MTA3: variants seen among roughly 807,000 people sequenced by gnomAD.
MTA3 encodes metastasis associated 1 family member 3, also known as metastasis-associated protein MTA3.
A neutral mutation model predicts 83.5 loss-of-function variants in MTA3; 34 were observed. That is an observed-to-expected ratio of 0.41 (90% confidence interval 0.31 to 0.54). MTA3 has a LOEUF of 0.54. MTA3 is among the 20% of genes least tolerant of loss of function. The pLI, the probability that MTA3 is intolerant of heterozygous loss-of-function variation, is 0.33. For missense variants in MTA3, 761 were observed against 726.4 expected, an observed-to-expected ratio of 1.05 and a Z score of -0.55; for synonymous variants, 303 against 252.7, an observed-to-expected ratio of 1.20 and a Z score of -1.89.
chr2:42,621,737 C>T (rs184399278), intron 4 of MTA3, among the ~76,000 whole-genome samples: 2,971 of 150,076 alleles, frequency 0.02, 314 homozygotes, highest in Admixed American at 0.18. Flanking sequence ...ACTTCTCAGA[C>T]GGGGCGGCTG....
rs996271519 is a variant in MTA3, at chr2:42,512,130, T to G, written c.-141+16876T>G. Among the ~76,000 whole-genome samples the G allele has an allele frequency of 1.3e-4, 19 of 151,494 alleles. No homozygotes were observed. The East Asian group carries it at 3.7e-3, about 29-fold the overall frequency. ...GACTGGGAGGGTTTTTTTCTTTTTC[T>G]TTTTCCTTTTTTTTTTGTTTTTGTT... On this transcript the variant is annotated intron_variant, in intron 2 of 17. Coordinates refer to the MTA3 transcript ENST00000405592.
intron 15 of MTA3, among the ~76,000 whole-genome samples, chr2:42,722,522 C>G (rs1412740519): frequency 2.6e-5 from 4 of 152,178 alleles, no homozygotes; most frequent in South Asian, 4.1e-4. Context: ...TTTTACCCCC[C>G]TCACCCCAAG....
Position 42,753,725 on chromosome 2 carries a change from G to A in MTA3, c.*326G>A, listed in dbSNP as rs943640565. On this transcript the variant is annotated 3_prime_UTR_variant, in exon 17 of 17. Transcript: ENST00000405094. ...GCCCTGCGCCCCACCCAGCAACAGCGGCCACTTGGCAGTGGGGCTGCTGCA... is the reference window on the plus strand; with the variant it reads ...GCCCTGCGCCCCACCCAGCAACAGCAGCCACTTGGCAGTGGGGCTGCTGCA... The A allele has an allele frequency of 1.0e-5, 12 of 1,170,890 alleles. No homozygotes were observed. Among genetic ancestry groups the A allele is most frequent in the Admixed American group, 8.7e-5 (2 of 22,982 alleles). 72.5% of individuals were successfully genotyped at this position (1,170,890 alleles called of 1,614,324 possible). A position where few individuals can be genotyped will look rare whatever the true frequency, so the allele number is the denominator to read the frequency against.
In MTA3 at chr2:42,640,228, G is replaced by T. The variant is rs754149404; in HGVS notation, c.373G>T (p.Asp125Tyr). ...GACAGAATCAGTATTGTCATATCTT[G>T]ATAAGGAGGTAATTCACAATCATAG... is the stretch of plus-strand genomic sequence containing the variant. The part of the protein sequence containing the change: ...NETESVLSYL[D>Y]KEDTFFYSLV... Residue 125 changes from aspartate to tyrosine, a missense_variant, in exon 5 of 17, where the codon GAT becomes TAT. Coordinates refer to ENST00000405094, the MANE Select transcript of MTA3 (RefSeq NM_001330442.2). 2.2e-5 allele frequency: 35 copies of T among 1,603,372 alleles called. No individual in the cohort carries two copies. The highest frequency in any genetic ancestry group is 2.8e-5 in the Non-Finnish European group (33 of 1,175,128).
intron 3 of MTA3, among the ~76,000 whole-genome samples, chr2:42,586,477 AACACAC>A (rs573814961): frequency 2.2e-3 from 160 of 72,714 alleles, no homozygotes; most frequent in African/African-American, 4.8e-3. Context: ...AAGGAAGGAA[AACACAC>A]ACACACACAC....
intron 8 of MTA3, among the ~76,000 whole-genome samples, chr2:42,671,942 C>G (rs1248930203): frequency 6.6e-6 from 1 of 152,104 alleles, no homozygotes; most frequent in African/African-American, 2.4e-5. Context: ...TTATAGCAGT[C>G]TAGAAAATAC....
chr2:42,559,446 A>T (rs1443247019), intron 2 of MTA3, among the ~76,000 whole-genome samples: 1 of 151,264 alleles, frequency 6.6e-6, no homozygotes, highest in African/African-American at 2.4e-5. Context: ...AGGCCGCAGT[A>T]AGCCGAGATC....
intron 4 of MTA3, among the ~76,000 whole-genome samples, chr2:42,635,195 C>T (rs182006940): frequency 6.6e-6 from 1 of 152,300 alleles, no homozygotes; most frequent in East Asian, 1.9e-4. Flanking sequence ...AAGCATTTTG[C>T]ATCTCTGATC....
rs549382121 is a variant in MTA3, at chr2:42,753,940, G to C, written c.*541G>C. On this transcript the variant is annotated 3_prime_UTR_variant, in exon 17 of 17. Coordinates refer to ENST00000405094, the MANE Select transcript of MTA3 (RefSeq NM_001330442.2). ...CCGTCACTCAGCTTTTTCTCGATAG[G>C]CTTCATCCTTGTTTTTTTGAAATGG... 2.0e-6 allele frequency: 2 copies of C among 985,832 alleles called. No individual in the cohort carries two copies. Among genetic ancestry groups the C allele is most frequent in the Non-Finnish European group, 2.4e-6 (2 of 830,312 alleles). The allele number at this position is 985,832 out of a possible 1,614,324, so 61.1% of individuals were successfully genotyped here.
chr2:42,700,877 G>A (rs552167651), intron 11 of MTA3, among the ~76,000 whole-genome samples: 2 of 152,208 alleles, frequency 1.3e-5, no homozygotes, highest in African/African-American at 4.8e-5. Context: ...GAGGCAGGAA[G>A]ACTGCTTGAA....
chr2:42,649,094 T>A, intron 6 of MTA3, among the ~76,000 whole-genome samples: 1 of 152,072 alleles, frequency 6.6e-6, no homozygotes, highest in African/African-American at 2.4e-5. Context: ...CTAGTACCAC[T>A]CATTTAATAG....
intron 2 of MTA3, among the ~76,000 whole-genome samples, chr2:42,548,833 T>TATATATATATATATATA (rs1676899260): frequency 8.7e-5 from 1 of 11,510 alleles, no homozygotes; most frequent in South Asian, 3.1e-3. Context: ...ATATATAATA[T>TATATATATATATATATA]ATATATATAT....
chr2:42,567,905 T>C (rs1239109122), upstream of MTA3: 1 of 152,268 alleles, frequency 6.6e-6, no homozygotes, highest in Non-Finnish European at 1.5e-5. Flanking sequence ...GCCCTGCATA[T>C]ACAGTGCCCG....
chr2:42,700,307 G>A (rs1369629017), intron 11 of MTA3, among the ~76,000 whole-genome samples: 1 of 152,146 alleles, frequency 6.6e-6, no homozygotes, highest in Admixed American at 6.5e-5. Context: ...CATTAAAAAT[G>A]TTTGCTTACA....
chr2:42,754,513 C>G lies in MTA3; in HGVS notation c.*1114C>G, dbSNP rs891028055. 1.0e-6 allele frequency: 1 copy of G among 985,388 alleles called. No homozygotes were observed. Among genetic ancestry groups the G allele is most frequent in the African/African-American group, 1.7e-5 (1 of 57,236 alleles). The allele number at this position is 985,388 out of a possible 1,614,324, so 61.0% of individuals were successfully genotyped here. A position where few individuals can be genotyped will look rare whatever the true frequency, so the allele number is the denominator to read the frequency against. ...CTTGGTGGCATCACAGTTGGCCACTCAGCTGTGCTGAGTAGCTGTGCTACT... is the reference window on the plus strand; with the variant it reads ...CTTGGTGGCATCACAGTTGGCCACTGAGCTGTGCTGAGTAGCTGTGCTACT... On this transcript the variant is annotated 3_prime_UTR_variant, in exon 17 of 17. Transcript: ENST00000405094.
chr2:42,656,674 C>T (rs547578692), intron 7 of MTA3, among the ~76,000 whole-genome samples: 1 of 152,362 alleles, frequency 6.6e-6, no homozygotes, highest in South Asian at 2.1e-4. Context: ...GGAATTCGCT[C>T]ACCGCATCCA....
In MTA3 at chr2:42,601,056, G is replaced by A. The variant is rs564193113; in HGVS notation, c.191-8402G>A. Among the ~76,000 whole-genome samples the A allele has an allele frequency of 5.9e-5, 9 of 152,086 alleles. No individual in the cohort carries two copies. The Middle Eastern group carries it at 0.017, about 287-fold the overall frequency. On this transcript the variant is annotated intron_variant, in intron 3 of 16. Transcript: ENST00000405094. ...CGAGTAGCTGGGACTATAGGCATGCGCCTCCACGTCCGGCTAATTTTTGTA... is the reference window on the plus strand; with the variant it reads ...CGAGTAGCTGGGACTATAGGCATGCACCTCCACGTCCGGCTAATTTTTGTA...
At chr2:42,709,764 C>T (rs1004395827) in intron 14 of MTA3, among the ~76,000 whole-genome samples, 3 of 152,174 alleles carry the variant, frequency 2.0e-5, no homozygotes, top group Non-Finnish European at 4.4e-5. Flanking sequence ...GGTTGAGCAG[C>T]CTGTTTGTCC....
chr2:42,710,350 C>G (rs578157703), intron 14 of MTA3, among the ~76,000 whole-genome samples: 2 of 150,936 alleles, frequency 1.3e-5, no homozygotes, highest in Admixed American at 6.6e-5. Flanking sequence ...GTCAGGAGTT[C>G]GAGACCAGCC....
Sources: allele counts gnomAD v4.1 joint callset (sites outside exome capture counted in the v4.1 genomes callset), GRCh38; gene constraint gnomAD v4.1.1; transcripts MANE v1.5; gene names NCBI Gene and HGNC (gene_info 2026-07-23, HGNC 2026-07-21).